NEK7: variants seen among roughly 807,000 people sequenced by gnomAD.
NEK7 encodes serine/threonine-protein kinase Nek7.
NEK7 carries 18 observed loss-of-function variants against 44.6 expected under a neutral mutation model. That is an observed-to-expected ratio of 0.40 (90% CI 0.28 to 0.60). The LOEUF (loss-of-function observed/expected upper bound fraction) is 0.60. NEK7 is among the 20% of genes least tolerant of loss of function. NEK7 has a pLI of 0.38. For missense variants in NEK7, 256 were observed against 366.5 expected (o/e 0.70, Z 2.46); for synonymous variants, 130 against 121.1 (o/e 1.07, Z -0.48).
intron 1 of NEK7, among the ~76,000 whole-genome samples, chr1:198,160,313 A>AT (rs761820121): frequency 0.11 from 15,166 of 143,798 alleles, 914 homozygotes; most frequent in East Asian, 0.22. Flanking sequence ...GTTTCCCTTG[A>AT]TTTTTTTTTT....
In NEK7 at chr1:198,211,494, C is replaced by T. The variant is rs12078777; in HGVS notation, c.-28-21059C>T. Among the ~76,000 whole-genome samples the T allele has an allele frequency of 6.0e-3, 918 of 152,282 alleles. 15 individuals are homozygous for T. Among genetic ancestry groups the T allele is most frequent in the African/African-American group, 0.021 (893 of 41,538 alleles). ...TTCTGATTTGTGATGTGTGTGTACA[C>T]ATGTGCTTACTTTTCATTATTTTGA... On this transcript the variant is annotated intron_variant, in intron 1 of 9. Transcript: ENST00000367385.
At chr1:198,270,854 T>A (rs760745871) in intron 5 of NEK7, among the ~76,000 whole-genome samples, 1 of 152,080 alleles carries the variant, frequency 6.6e-6, no homozygotes, top group African/African-American at 2.4e-5. Flanking sequence ...GGGTCAGGAT[T>A]AGTGGGTTCT....
chr1:198,247,375 G>A (rs1666861942), intron 2 of NEK7, among the ~76,000 whole-genome samples: 1 of 152,050 alleles, frequency 6.6e-6, no homozygotes, highest in Non-Finnish European at 1.5e-5. Context: ...TAATAACCTG[G>A]CAGTGTGGCA....
intron 9 of NEK7, among the ~76,000 whole-genome samples, chr1:198,314,318 CTAG>C (rs1215085804): frequency 7.9e-5 from 12 of 152,106 alleles, no homozygotes; most frequent in African/African-American, 2.7e-4. Flanking sequence ...AATGGTTATT[CTAG>C]TTATACATTC....
intron 1 of NEK7, among the ~76,000 whole-genome samples, chr1:198,224,547 G>A (rs1023209711): frequency 7.0e-6 from 1 of 143,878 alleles, no homozygotes; most frequent in Non-Finnish European, 1.5e-5. Flanking sequence ...TGTCTCAACA[G>A]ATTGAATGCA....
chr1:198,251,190 G>C (rs146347351), intron 2 of NEK7, among the ~76,000 whole-genome samples: 1 of 151,650 alleles, frequency 6.6e-6, no homozygotes, highest in Non-Finnish European at 1.5e-5. Context: ...ATTGATTTGC[G>C]TATACTGAAC....
At chr1:198,265,447 A>G (rs1337498746) in intron 5 of NEK7, among the ~76,000 whole-genome samples, 1 of 152,164 alleles carries the variant, frequency 6.6e-6, no homozygotes, top group Non-Finnish European at 1.5e-5. Context: ...AAGCAAAGGA[A>G]TGAAAGGTTC....
At chr1:198,224,112 G>A (rs60980525) in intron 1 of NEK7, among the ~76,000 whole-genome samples, 34 of 152,246 alleles carry the variant, frequency 2.2e-4, no homozygotes, top group African/African-American at 8.2e-4. Flanking sequence ...CTATACATTT[G>A]TGGAAGGACA....
At chr1:198,266,481 C>A (rs1653659662) in intron 5 of NEK7, among the ~76,000 whole-genome samples, 1 of 151,892 alleles carries the variant, frequency 6.6e-6, no homozygotes, top group African/African-American at 2.4e-5. Context: ...TTGACTAATA[C>A]TAATATAAAA....
At chr1:198,166,269 T>C (rs1323147457) in intron 1 of NEK7, among the ~76,000 whole-genome samples, 2 of 152,244 alleles carry the variant, frequency 1.3e-5, no homozygotes, top group African/African-American at 4.8e-5. Context: ...TTTAAACACA[T>C]TCAAAATAAA....
At chr1:198,195,329 C>T (rs889249845) in intron 1 of NEK7, among the ~76,000 whole-genome samples, 1 of 152,046 alleles carries the variant, frequency 6.6e-6, no homozygotes. Context: ...GGAATCAACC[C>T]TTGACTCTCC....
intron 9 of NEK7, among the ~76,000 whole-genome samples, chr1:198,316,154 C>T (rs1655362090): frequency 6.6e-6 from 1 of 151,992 alleles, no homozygotes; most frequent in Admixed American, 6.5e-5. Flanking sequence ...ATAGAGCTGA[C>T]CAGGATGAAA....
intron 3 of NEK7, among the ~76,000 whole-genome samples, chr1:198,258,685 G>T (rs1031160761): frequency 6.6e-6 from 1 of 152,130 alleles, no homozygotes; most frequent in Non-Finnish European, 1.5e-5. Context: ...AAATGATTCA[G>T]AGAATACCAA....
Position 198,320,237 on chromosome 1 carries a change from A to G in NEK7, c.*715A>G, listed in dbSNP as rs1296610490. 2 of 152,088 alleles carry G rather than the reference A, an allele frequency of 1.3e-5. No individual in the cohort carries two copies. The highest frequency in any genetic ancestry group is 2.4e-5 in the African/African-American group (1 of 41,426). The allele number at this position is 152,088 out of a possible 1,614,324, so 9.4% of individuals were successfully genotyped here. On this transcript the variant is annotated 3_prime_UTR_variant, in exon 10 of 10. Coordinates refer to ENST00000367385, the MANE Select transcript of NEK7 (RefSeq NM_133494.3). ...GAATCCATTTAAAAAGTGGTTAAGG[A>G]TTTGTTTAGCTGGTGTGATAATAAT...
intron 1 of NEK7, among the ~76,000 whole-genome samples, chr1:198,173,770 CAT>C (rs1664521590): frequency 6.6e-6 from 1 of 151,916 alleles, no homozygotes; most frequent in African/African-American, 2.4e-5. Context: ...TTTATTTGGT[CAT>C]ATTTTTATAT....
At chr1:198,249,110 A>G (rs1666914788) in intron 2 of NEK7, among the ~76,000 whole-genome samples, 1 of 135,654 alleles carries the variant, frequency 7.4e-6, no homozygotes, top group South Asian at 2.2e-4. Flanking sequence ...CTCATTGTTC[A>G]ATTCCTACCT....
chr1:198,282,176 TACA>T (rs1304971676), intron 7 of NEK7, among the ~76,000 whole-genome samples: 1 of 152,116 alleles, frequency 6.6e-6, no homozygotes, highest in Non-Finnish European at 1.5e-5. Flanking sequence ...ACTAAGAGAT[TACA>T]CTCTTTTGTT....
chr1:198,205,461 G>A lies in NEK7; in HGVS notation c.-28-27092G>A, dbSNP rs139693228. On this transcript the variant is annotated intron_variant, in intron 1 of 9. Transcript: ENST00000367385. Reference sequence around the variant, plus strand: ...GGGGTGGAGGTGTTGAGTGGCCCAAGCAGTTATATTTAAAACAAAAAAAGC... The same window carrying A: ...GGGGTGGAGGTGTTGAGTGGCCCAAACAGTTATATTTAAAACAAAAAAAGC... 5.1e-3 allele frequency among the ~76,000 whole-genome samples: 771 copies of A among 152,216 alleles called. 10 individuals carry two copies. The highest frequency in any genetic ancestry group is 0.018 in the African/African-American group (739 of 41,522).
At chr1:198,237,565 A>G (rs903366163) in intron 2 of NEK7, among the ~76,000 whole-genome samples, 11 of 152,126 alleles carry the variant, frequency 7.2e-5, no homozygotes, top group African/African-American at 2.4e-4. Context: ...CAGAGGCCGA[A>G]TCTTTAAAAT....
Sources: gnomAD v4.1 joint callset for allele counts (sites outside exome capture counted in the v4.1 genomes callset) on GRCh38, gnomAD v4.1.1 for gene constraint, MANE v1.5 for transcripts, NCBI Gene and HGNC (gene_info 2026-07-23, HGNC 2026-07-21) for gene names.